HLA-DQB1: variants seen among roughly 807,000 people sequenced by gnomAD.
The protein encoded by HLA-DQB1 is HLA class II histocompatibility antigen, DQ beta 1 chain.
In HLA-DQB1, 13 loss-of-function variants were observed where a neutral mutation model predicts 26.4. The ratio of observed to expected loss-of-function variants is 0.49; its 90% CI spans 0.32 to 0.78. HLA-DQB1 has a LOEUF of 0.78. Ranked by LOEUF, HLA-DQB1 falls within the 30% of genes least tolerant of loss-of-function variation. The pLI is 0.03. For synonymous variants in HLA-DQB1, 60 were observed against 129.1 expected (o/e 0.46, Z 3.63); for missense variants, 158 against 326.2 (o/e 0.48, Z 3.97).
Position 32,664,944 on chromosome 6 carries a change from AC to A in HLA-DQB1, c.232del (p.Val78CysfsTer5). On this transcript the variant is annotated frameshift_variant, in exon 2 of 5. Coordinates refer to ENST00000434651, the Ensembl canonical transcript of HLA-DQB1. LOFTEE classifies it high-confidence loss of function. ...CCCCTGCGGCGTCACCGCGCGGTAC[AC>A]CCCCACGTCGCTGTCGAAGCGCGCG... The A allele has an allele frequency of 1.6e-6, 2 of 1,267,864 alleles. No individual in the cohort carries two copies. Among genetic ancestry groups the A allele is most frequent in the Non-Finnish European group, 2.2e-6 (2 of 892,784 alleles). The allele number at this position is 1,267,864 out of a possible 1,614,324, so 78.5% of individuals were successfully genotyped here.
rs281861972 is a variant in HLA-DQB1, at chr6:32,665,163, G to A, written c.110-96C>T. The A allele has an allele frequency of 7.2e-5, 55 of 768,388 alleles. 7 individuals are homozygous for A. Among genetic ancestry groups the A allele is most frequent in the Non-Finnish European group, 1.0e-4 (55 of 534,392 alleles). 47.6% of individuals were successfully genotyped at this position (768,388 alleles called of 1,614,324 possible). On this transcript the variant is annotated intron_variant, in intron 1 of 4. Coordinates refer to ENST00000434651, the Ensembl canonical transcript of HLA-DQB1. ...CCTGGAGCTGTGGAACCGCCCGCGC[G>A]ACCTCCAGTTCCCGCCCGCCCGTGC...
intron 1 of HLA-DQB1, 47 bp from the exon 2 acceptor site, chr6:32,665,114 C>CGGCTGCGT: frequency 1.0e-6 from 1 of 954,906 alleles, no homozygotes. Flanking sequence ...CCCGGCCGCC[C>CGGCTGCGT]CCGCAGCCGC....
exon 2 of HLA-DQB1, chr6:32,664,906 C>T (rs778197829): frequency 2.2e-6 from 3 of 1,370,870 alleles, no homozygotes; most frequent in South Asian, 2.3e-5. Context: ...TTCCAGTACT[C>T]GGCATCAGGC....
At position 32,666,595 on chromosome 6, in the gene HLA-DQB1, T is replaced by C. The variant is rs937330135; in HGVS notation, c.13A>G (p.Lys5Glu). The change falls in exon 1 of 5, where the codon AAG (lysine) becomes GAG (glutamate). Residue 5 changes from lysine (K) to glutamate (E), a missense_variant. Coordinates refer to ENST00000434651, the Ensembl canonical transcript of HLA-DQB1. ...AGGTCTCCGGGGATCCGCAAAGCCT[T>C]CTTCCAAGACATAACTGAGACGAAG... 3.4e-5 allele frequency: 39 copies of C among 1,137,016 alleles called. No individual in the cohort carries two copies. In the African/African-American group the frequency reaches 4.0e-4, roughly 12 times the overall value. The allele number at this position is 1,137,016 out of a possible 1,614,324, so 70.4% of individuals were successfully genotyped here.
chr6:32,664,955 G>T, exon 2 of HLA-DQB1: 2 of 1,359,192 alleles, frequency 1.5e-6, no homozygotes, highest in Non-Finnish European at 2.1e-6. Context: ...CCCCCACGTC[G>T]CTGTCGAAGC....
At chr6:32,660,764 C>G in intron 4 of HLA-DQB1, 1 of 683,318 alleles carries the variant, frequency 1.5e-6, no homozygotes. Context: ...GCAAATAGGC[C>G]ATGAACATGG....
At chr6:32,660,795 T>C in intron 4 of HLA-DQB1, 2 of 924,470 alleles carry the variant, frequency 2.2e-6, no homozygotes, top group Non-Finnish European at 3.2e-6. Flanking sequence ...TCAGGTACAC[T>C]CAGCTCATGC....
At chr6:32,660,392 T>G in intron 4 of HLA-DQB1, 143 bp from the exon 5 acceptor site, 2 of 441,544 alleles carry the variant, frequency 4.5e-6, no homozygotes, top group Admixed American at 4.2e-5. Flanking sequence ...CCAAGATCTG[T>G]GCAAAGGTGA....
chr6:32,663,142 A>T (rs1227418472), intron 2 of HLA-DQB1: 2 of 151,124 alleles, frequency 1.3e-5, no homozygotes, highest in Non-Finnish European at 2.9e-5. Context: ...CCTGGAGGCC[A>T]ACTGAAATCA....
At chr6:32,662,687 C>T (rs9274179) in intron 2 of HLA-DQB1, 35,404 of 85,048 alleles carry the variant, frequency 0.42, 7,495 homozygotes, top group South Asian at 0.45. Context: ...CATCTTTCCC[C>T]GCCTCTTTTA....
chr6:32,663,524 T>TG lies in HLA-DQB1; in HGVS notation c.379+1273_379+1274insC, dbSNP rs148888758. ...CTCTACATATGTGTAGTGAGGAACATAAGAATGTTGTGTACTTTGGGAGGC... is the reference window on the plus strand; with the variant it reads ...CTCTACATATGTGTAGTGAGGAACATGAAGAATGTTGTGTACTTTGGGAGGC... On this transcript the variant is annotated intron_variant, in intron 2 of 4. Coordinates refer to ENST00000434651, the Ensembl canonical transcript of HLA-DQB1. 1.1e-4 allele frequency: 16 copies of TG among 140,784 alleles called. No homozygotes were observed. In the Admixed American group the frequency reaches 1.2e-3, roughly 10 times the overall value. 8.7% of individuals were successfully genotyped at this position (140,784 alleles called of 1,614,324 possible). A position where few individuals can be genotyped will look rare whatever the true frequency, so the allele number is the denominator to read the frequency against.
At chr6:32,663,806 C>A (rs117672109) in intron 2 of HLA-DQB1, 1 of 145,760 alleles carries the variant, frequency 6.9e-6, no homozygotes, top group African/African-American at 2.5e-5. Flanking sequence ...CAAAAGCAAC[C>A]TGAAACTATT....
chr6:32,661,923 T>TG, intron 3 of HLA-DQB1, 44 bp downstream of exon 3: 4 of 1,213,606 alleles, frequency 3.3e-6, no homozygotes, highest in Non-Finnish European at 4.4e-6. Flanking sequence ...AAGGAGCTCT[T>TG]TGTCTTGTGG....
At position 32,665,098 on chromosome 6, in the gene HLA-DQB1, C is replaced by CGG. The variant is rs779964236; in HGVS notation, c.110-32_110-31insCC. The stretch of plus-strand genomic sequence containing the variant: ...GGGAATCACCGGCCGGTCAGTCAGG[C>CGG]CCCAGCCCGGCCGCCCCCGCAGCCG... On this transcript the variant is annotated intron_variant, in intron 1 of 4. Coordinates refer to ENST00000434651, the Ensembl canonical transcript of HLA-DQB1. 1,088 of 1,107,168 alleles carry CGG rather than the reference C, an allele frequency of 9.8e-4. 9 individuals are homozygous for CGG. Among genetic ancestry groups the CGG allele is most frequent in the African/African-American group, 3.3e-3 (156 of 46,702 alleles). The allele number at this position is 1,107,168 out of a possible 1,614,324, so 68.6% of individuals were successfully genotyped here.
In HLA-DQB1 at chr6:32,666,514, C is replaced by A; in HGVS notation, c.94G>T (p.Gly32Cys). The A allele has an allele frequency of 2.7e-6, 3 of 1,119,720 alleles. 1 individual carries two copies. The highest frequency in any genetic ancestry group is 2.8e-5 in the South Asian group (2 of 71,274). 69.4% of individuals were successfully genotyped at this position (1,119,720 alleles called of 1,614,324 possible). Reference sequence around the variant, plus strand: ...CTGCACTTACCGGGAGAGTCTCTGCCCTCAGCCAGTAGGGAGCTCAGCATC... The same window carrying A: ...CTGCACTTACCGGGAGAGTCTCTGCACTCAGCCAGTAGGGAGCTCAGCATC... The change falls in exon 1 of 5, where the codon GGC (glycine) becomes TGC (cysteine). Residue 32 changes from glycine (G) to cysteine (C), a missense_variant. By Grantham distance (159) the Gly-to-Cys change is radical. Transcript: ENST00000434651.
intron 1 of HLA-DQB1, 139 bp downstream of exon 1, chr6:32,666,360 A>C (rs28746843): frequency 0.16 from 64,976 of 413,700 alleles, 7,445 homozygotes; most frequent in East Asian, 0.32. Flanking sequence ...AATGCAACAT[A>C]GCTTTCTTTC....
rs281875070 is a variant in HLA-DQB1 at position 32,663,417 on chromosome 6, A to G, written c.380-1169T>C. ...ATTAATCATGAATTTTCAATGCCGC[A>G]TTAACACACAGAACAAACAGGAATA... On this transcript the variant is annotated intron_variant, in intron 2 of 4. Transcript: ENST00000434651. The G allele has an allele frequency of 7.0e-3, 260 of 37,378 alleles. 4 individuals carry two copies. The highest frequency in any genetic ancestry group is 0.02 in the African/African-American group (252 of 12,362). The allele number at this position is 37,378 out of a possible 1,614,324, so 2.3% of individuals were successfully genotyped here.
chr6:32,666,529 A>T (rs1049060), exon 1 of HLA-DQB1: 339,080 of 977,942 alleles, frequency 0.35, 110,312 homozygotes, highest in East Asian at 0.68. Flanking sequence ...GCCAGTAGGG[A>T]GCTCAGCATC....
intron 1 of HLA-DQB1, among the ~76,000 whole-genome samples, chr6:32,665,730 C>G (rs281861461): frequency 1.9e-5 from 2 of 105,396 alleles, no homozygotes; most frequent in African/African-American, 3.6e-5. Flanking sequence ...GGTTATGTAA[C>G]AGAATATCCA....
Sources: allele counts gnomAD v4.1 joint callset (sites outside exome capture counted in the v4.1 genomes callset), GRCh38; gene constraint gnomAD v4.1.1; transcripts MANE v1.5; gene names NCBI Gene and HGNC (gene_info 2026-07-23, HGNC 2026-07-21).